RABEP2: variants seen among roughly 807,000 people sequenced by gnomAD.
RABEP2 encodes the protein rabaptin, RAB GTPase binding effector protein 2, also known as rab GTPase-binding effector protein 2.
A neutral mutation model predicts 74.1 loss-of-function variants in RABEP2; 57 were observed. That is an observed-to-expected ratio of 0.77 (90% CI 0.62 to 0.96). The LOEUF (loss-of-function observed/expected upper bound fraction) is 0.96, where lower values mean the gene tolerates loss of function less well. Ranked by LOEUF, RABEP2 falls within the 40% of genes least tolerant of loss-of-function variation. The pLI is 0.00. For synonymous variants in RABEP2, 351 were observed against 344.0 expected (o/e 1.02, Z -0.23); for missense variants, 692 against 756.3 (o/e 0.91, Z 1.00).
At chr16:28,911,019 G>A (rs1179774752) in intron 6 of RABEP2, 33 bp from the exon 7 acceptor site, 2 of 1,610,356 alleles carry the variant, frequency 1.2e-6, no homozygotes, top group Admixed American at 1.7e-5. Flanking sequence ...GTGAGGGCAA[G>A]GGCATGTCAG....
intron 5 of RABEP2, among the ~76,000 whole-genome samples, chr16:28,913,203 T>G (rs1964337923): frequency 1.3e-5 from 2 of 152,050 alleles, no homozygotes; most frequent in Non-Finnish European, 2.9e-5. Flanking sequence ...GTGCTGGGAT[T>G]ACAGGCATGA....
intron 2 of RABEP2, among the ~76,000 whole-genome samples, chr16:28,920,518 T>C (rs1964457013): frequency 6.6e-6 from 1 of 151,918 alleles, no homozygotes; most frequent in Non-Finnish European, 1.5e-5. Flanking sequence ...CCTGTGTAGC[T>C]GGGATTACAG....
intron 4 of RABEP2, 35 bp from the exon 5 acceptor site, chr16:28,914,621 A>G: frequency 6.2e-7 from 1 of 1,610,758 alleles, no homozygotes; most frequent in Non-Finnish European, 8.5e-7. Context: ...CTGGGGGGCC[A>G]GGGTCCTCTG....
chr16:28,904,654 TG>T lies in RABEP2; in HGVS notation c.*288del. On this transcript the variant is annotated 3_prime_UTR_variant, in exon 13 of 13. Coordinates refer to ENST00000358201, the MANE Select transcript of RABEP2 (RefSeq NM_024816.3). ...GGACGGGCTGGGGGCAGGGGAGGGC[TG>T]GAGCCCAGGAGGCAGCACAGCAGCC... 1.3e-6 allele frequency: 1 copy of T among 781,332 alleles called. No individual in the cohort carries two copies. The highest frequency in any genetic ancestry group is 1.9e-6 in the Non-Finnish European group (1 of 527,242). 48.4% of individuals were successfully genotyped at this position (781,332 alleles called of 1,614,324 possible).
At chr16:28,905,213 TC>T (rs1420026494) in intron 12 of RABEP2, among the ~76,000 whole-genome samples, 169 bp from the exon 13 acceptor site, 1 of 152,178 alleles carries the variant, frequency 6.6e-6, no homozygotes, top group Admixed American at 6.5e-5. Context: ...ACTGAGGGCT[TC>T]AGGTGACTGA....
Position 28,904,686 on chromosome 16 carries a change from G to A in RABEP2, c.*257C>T. The A allele has an allele frequency of 9.1e-6, 6 of 656,020 alleles. No individual in the cohort carries two copies. Among genetic ancestry groups the A allele is most frequent in the Non-Finnish European group, 1.5e-5 (6 of 405,600 alleles). The allele number at this position is 656,020 out of a possible 1,614,324, so 40.6% of individuals were successfully genotyped here. Reference sequence around the variant, plus strand: ...CAGGAGGCAGCACAGCAGCCAGAAAGCCGCAGGCCTGAGCCTGCACCTTTG... The same window carrying A: ...CAGGAGGCAGCACAGCAGCCAGAAAACCGCAGGCCTGAGCCTGCACCTTTG... On this transcript the variant is annotated 3_prime_UTR_variant, in exon 13 of 13. Coordinates refer to ENST00000358201, the MANE Select transcript of RABEP2 (RefSeq NM_024816.3).
At chr16:28,912,858 C>T (rs912206874) in intron 5 of RABEP2, among the ~76,000 whole-genome samples, 3 of 152,152 alleles carry the variant, frequency 2.0e-5, no homozygotes, top group African/African-American at 7.2e-5. Context: ...CTGGTCTCCT[C>T]TTCTCTCCTC....
chr16:28,920,134 C>G (rs904256525), intron 2 of RABEP2, among the ~76,000 whole-genome samples, 191 bp from the exon 3 acceptor site: 1 of 151,896 alleles, frequency 6.6e-6, no homozygotes, highest in Non-Finnish European at 1.5e-5. Context: ...TCCTTAGGTG[C>G]AAAATGGGGA....
At chr16:28,920,318 A>T (rs1395979697) in intron 2 of RABEP2, among the ~76,000 whole-genome samples, 2 of 151,586 alleles carry the variant, frequency 1.3e-5, no homozygotes, top group Non-Finnish European at 2.9e-5. Flanking sequence ...CTATTAATAT[A>T]TACCAGGAAC....
At chr16:28,917,778 C>T (rs989581442) in intron 3 of RABEP2, 3 of 152,276 alleles carry the variant, frequency 2.0e-5, no homozygotes, top group Non-Finnish European at 4.4e-5. Context: ...CTCTCCTTTA[C>T]CAACCTGCGG....
chr16:28,913,547 T>C (rs948672314), intron 5 of RABEP2, among the ~76,000 whole-genome samples: 1 of 151,984 alleles, frequency 6.6e-6, no homozygotes, highest in African/African-American at 2.4e-5. Flanking sequence ...AGTGGTTTGA[T>C]CTTGGCTCAC....
chr16:28,924,731 C>T, intron 1 of RABEP2, 116 bp from the exon 2 acceptor site: 2 of 990,022 alleles, frequency 2.0e-6, no homozygotes, highest in Non-Finnish European at 3.1e-6. Context: ...TTCACCTGGG[C>T]CCGCCCGGCT....
At chr16:28,910,736 C>G (rs938382679) in intron 7 of RABEP2, 152 bp downstream of exon 7, 3 of 660,192 alleles carry the variant, frequency 4.5e-6, no homozygotes, top group African/African-American at 3.6e-5. Flanking sequence ...GCCCCAAAAC[C>G]CTCTTACCTA....
chr16:28,906,452 G>T (rs1964234946), intron 8 of RABEP2, among the ~76,000 whole-genome samples: 1 of 152,182 alleles, frequency 6.6e-6, no homozygotes, highest in African/African-American at 2.4e-5. Flanking sequence ...CAACCATAAA[G>T]TTCAGCAGAT....
At chr16:28,906,332 G>T in intron 8 of RABEP2, 136 bp from the exon 9 acceptor site, 1 of 1,164,446 alleles carries the variant, frequency 8.6e-7, no homozygotes, top group Non-Finnish European at 1.2e-6. Flanking sequence ...GTGGGGAAGA[G>T]CCCAAAATGC....
chr16:28,911,081 C>T lies in RABEP2; in HGVS notation c.990+3G>A, dbSNP rs1003170606. 2 of 1,613,018 alleles carry T rather than the reference C, an allele frequency of 1.2e-6. No homozygotes were observed. The highest frequency in any genetic ancestry group is 1.7e-6 in the Non-Finnish European group (2 of 1,179,856). On this transcript the variant is annotated splice_donor_region_variant and intron_variant, in intron 6 of 12. Transcript: ENST00000358201. ...TGGGGCTGCAGCAGCGGCAGGGACC[C>T]ACCTGCTTGGCACAGTCCTCATTGC...
Position 28,914,399 on chromosome 16 carries a change from C to T in RABEP2, c.731G>A (p.Gly244Asp), listed in dbSNP as rs201219614. ...GCTTTGGGGCAGGGAGGAGCTGCTG[C>T]CGACCCCACCGCCAAGGGAGAAGGA... is the stretch of plus-strand genomic sequence containing the variant. ...ISSFSLGGGV[G>D]SSSSLPQSRQ... Residue 244 changes from glycine (G) to aspartate (D), a missense_variant, in exon 5 of 13, where the codon GGC (glycine) becomes GAC (aspartate). Coordinates refer to ENST00000358201, the MANE Select transcript of RABEP2 (RefSeq NM_024816.3). 20 of 1,613,186 alleles carry T rather than the reference C, an allele frequency of 1.2e-5. No individual in the cohort carries two copies. In the African/African-American group the frequency reaches 1.6e-4, roughly 13 times the overall value.
In RABEP2 at chr16:28,904,468, C is replaced by T. The variant is rs958172230; in HGVS notation, c.*475G>A. ...GAAAATAAACGACGGAAAAGTCTGG[C>T]CTTGCCTCTGTGCAAGCTTGGAGGC... On this transcript the variant is annotated 3_prime_UTR_variant, in exon 13 of 13. Transcript: ENST00000358201. The T allele has an allele frequency of 5.5e-5, 83 of 1,513,768 alleles. No individual in the cohort carries two copies. Among genetic ancestry groups the T allele is most frequent in the Non-Finnish European group, 7.0e-5 (79 of 1,132,914 alleles). 93.8% of individuals were successfully genotyped at this position (1,513,768 alleles called of 1,614,324 possible).
chr16:28,906,080 C>T lies in RABEP2; in HGVS notation c.1362G>A (p.Glu454=), dbSNP rs1171562467. The T allele has an allele frequency of 2.5e-6, 4 of 1,597,512 alleles. No individual in the cohort carries two copies. The highest frequency in any genetic ancestry group is 1.3e-5 in the African/African-American group (1 of 74,696). ...IEIVTLREAL[E]EETVARASLE... Reference sequence around the variant, plus strand: ...GGCTGGCCCTGGCCACTGTCTCCTCCTCCAGAGCCTCCCGCAGCGTCACGA... The same window carrying T: ...GGCTGGCCCTGGCCACTGTCTCCTCTTCCAGAGCCTCCCGCAGCGTCACGA... The change falls in exon 9 of 13, where the codon GAG becomes GAA. Residue 454 remains glutamate, a synonymous_variant. Transcript: ENST00000358201.
Sources: gnomAD v4.1 joint callset for allele counts (sites outside exome capture counted in the v4.1 genomes callset) on GRCh38, gnomAD v4.1.1 for gene constraint, MANE v1.5 for transcripts, NCBI Gene and HGNC (gene_info 2026-07-23, HGNC 2026-07-21) for gene names.